C12orf42: variants seen among roughly 807,000 people sequenced by gnomAD.
The protein encoded by C12orf42 is uncharacterized protein C12orf42.
C12orf42 carries 25 observed loss-of-function variants against 21.6 expected under a neutral mutation model. The ratio of observed to expected loss-of-function variants is 1.16; its 90% CI spans 0.84 to 1.62. C12orf42 has a LOEUF of 1.62. Ranked by LOEUF, C12orf42 falls within the 40% of genes most tolerant of loss-of-function variation. The pLI is 0.00. For missense variants in C12orf42, 483 were observed against 459.3 expected (o/e 1.05, Z -0.47); for synonymous variants, 174 against 175.0 (o/e 0.99, Z 0.05).
At chr12:103,206,153 G>C in the C12orf42 span, among the ~76,000 whole-genome samples, 1 of 152,204 alleles carries the variant, frequency 6.6e-6, no homozygotes, top group Non-Finnish European at 1.5e-5. Flanking sequence ...GGAATATAAA[G>C]ATCCAGCACT....
At chr12:103,180,754 G>A in the C12orf42 span, among the ~76,000 whole-genome samples, 310 of 145,696 alleles carry the variant, frequency 2.1e-3, 2 homozygotes, top group African/African-American at 7.1e-3. Context: ...TCAGTCTCCC[G>A]AGTAGCTGGG....
chr12:103,108,099 C>T, the C12orf42 span, among the ~76,000 whole-genome samples: 1 of 150,836 alleles, frequency 6.6e-6, no homozygotes, highest in Non-Finnish European at 1.5e-5. Context: ...ACCACCTGTT[C>T]CCCAAAAACC....
At chr12:103,139,417 G>A in the C12orf42 span, among the ~76,000 whole-genome samples, 1 of 152,130 alleles carries the variant, frequency 6.6e-6, no homozygotes, top group Non-Finnish European at 1.5e-5. Context: ...GGATGTTCCA[G>A]ATGGAAGCTT....
the C12orf42 span, among the ~76,000 whole-genome samples, chr12:103,160,448 C>T: frequency 1.3e-5 from 2 of 152,194 alleles, no homozygotes; most frequent in Non-Finnish European, 2.9e-5. Flanking sequence ...AAATCTAATA[C>T]CCTGAACATT....
chr12:103,163,712 G>A, the C12orf42 span, among the ~76,000 whole-genome samples: 1 of 152,164 alleles, frequency 6.6e-6, no homozygotes, highest in Non-Finnish European at 1.5e-5. Flanking sequence ...GTATAACTGA[G>A]TAGGTTTGCC....
At chr12:103,220,915 A>G in the C12orf42 span, among the ~76,000 whole-genome samples, 1 of 152,174 alleles carries the variant, frequency 6.6e-6, no homozygotes, top group Non-Finnish European at 1.5e-5. Flanking sequence ...TCCTTCTTTC[A>G]TTTCTAATCT....
the C12orf42 span, among the ~76,000 whole-genome samples, chr12:103,199,536 G>A: frequency 6.6e-5 from 10 of 152,018 alleles, no homozygotes; most frequent in Non-Finnish European, 1.5e-4. Flanking sequence ...TGACAGAATG[G>A]GGGAAAATAT....
chr12:103,301,537 A>G (rs984872260), downstream of C12orf42, among the ~76,000 whole-genome samples: 1 of 152,180 alleles, frequency 6.6e-6, no homozygotes, highest in Non-Finnish European at 1.5e-5. Flanking sequence ...CACCTCTTTT[A>G]CATTAAACTT....
At chr12:103,276,735 A>G (rs1220989483) in intron 5 of C12orf42, among the ~76,000 whole-genome samples, 4 of 152,206 alleles carry the variant, frequency 2.6e-5, no homozygotes, top group Non-Finnish European at 4.4e-5. Context: ...ATCATAACGT[A>G]ATGAAAGCTG....
chr12:103,457,779 C>T (rs889342018), intron 2 of C12orf42, among the ~76,000 whole-genome samples: 2 of 152,126 alleles, frequency 1.3e-5, no homozygotes, highest in Admixed American at 1.3e-4. Flanking sequence ...GCCCTCCTGG[C>T]AGGGGGTGGG....
At chr12:103,554,202 G>T in the C12orf42 span, among the ~76,000 whole-genome samples, 2 of 152,174 alleles carry the variant, frequency 1.3e-5, no homozygotes, top group East Asian at 3.9e-4. Context: ...AAAAAACTAT[G>T]TTAACAAAAT....
chr12:103,422,699 T>A (rs1437802574), intron 2 of C12orf42, among the ~76,000 whole-genome samples: 1 of 152,058 alleles, frequency 6.6e-6, no homozygotes, highest in East Asian at 1.9e-4. Context: ...ACGGAATATT[T>A]TAGACTGCAC....
the C12orf42 span, among the ~76,000 whole-genome samples, chr12:103,123,954 T>C: frequency 5.9e-5 from 9 of 152,094 alleles, no homozygotes; most frequent in East Asian, 1.7e-3. Flanking sequence ...CACTTCAAGG[T>C]AAATGCCAAT....
At chr12:103,478,750 G>A (rs149596253) in intron 1 of C12orf42, among the ~76,000 whole-genome samples, 88 of 152,118 alleles carry the variant, frequency 5.8e-4, no homozygotes, top group African/African-American at 1.5e-3. Context: ...ATCCTAGGTG[G>A]TGCTTGCTTT....
intron 1 of C12orf42, among the ~76,000 whole-genome samples, chr12:103,493,078 C>A (rs1955283317): frequency 6.6e-6 from 1 of 152,188 alleles, no homozygotes; most frequent in African/African-American, 2.4e-5. Flanking sequence ...AGCTTCCTAA[C>A]CACTTGTTGC....
chr12:103,171,170 A>C, the C12orf42 span, among the ~76,000 whole-genome samples: 1 of 152,156 alleles, frequency 6.6e-6, no homozygotes, highest in Non-Finnish European at 1.5e-5. Context: ...CAAAAGGACC[A>C]CTAAAATAGC....
At chr12:103,124,254 C>T in the C12orf42 span, among the ~76,000 whole-genome samples, 3 of 143,170 alleles carry the variant, frequency 2.1e-5, no homozygotes, top group Non-Finnish European at 3.0e-5. Flanking sequence ...CTGTTCCATC[C>T]TCACATCTGG....
intron 4 of C12orf42, among the ~76,000 whole-genome samples, chr12:103,296,619 T>G (rs1199193162): frequency 6.6e-6 from 1 of 152,214 alleles, no homozygotes; most frequent in East Asian, 1.9e-4. Context: ...CCAGTGATGA[T>G]GAGCATTTTT....
intron 2 of C12orf42, among the ~76,000 whole-genome samples, chr12:103,452,514 C>A (rs1450846452): frequency 6.6e-6 from 1 of 152,048 alleles, no homozygotes; most frequent in Non-Finnish European, 1.5e-5. Context: ...ATATTTTCCA[C>A]CCCATTACTG....
Sources: allele counts gnomAD v4.1 joint callset (sites outside exome capture counted in the v4.1 genomes callset), GRCh38; gene constraint gnomAD v4.1.1; transcripts MANE v1.5; gene names NCBI Gene and HGNC (gene_info 2026-07-23, HGNC 2026-07-21).